ZBTB20: variants seen among roughly 807,000 people sequenced by gnomAD.
ZBTB20 encodes zinc finger and BTB domain containing 20, also known as zinc finger and BTB domain-containing protein 20.
In ZBTB20, 9 loss-of-function variants were observed where a neutral mutation model predicts 56.9. The ratio of observed to expected loss-of-function variants is 0.16; its 90% CI spans 0.10 to 0.28. The LOEUF is 0.28. Among genes scored for constraint, ZBTB20 ranks in the 10% least tolerant of loss-of-function variants. ZBTB20 has a pLI of 1.00. For missense variants in ZBTB20, 655 were observed against 1,003.0 expected (o/e 0.65, Z 4.69); for synonymous variants, 417 against 420.7 (o/e 0.99, Z 0.11).
chr3:114,479,784 A>G (rs543219596), intron 7 of ZBTB20, among the ~76,000 whole-genome samples: 2 of 152,328 alleles, frequency 1.3e-5, no homozygotes, highest in African/African-American at 4.8e-5. Flanking sequence ...CAGGTAACAG[A>G]CCATTTATTG....
At chr3:114,887,636 A>G (rs2076650810) in intron 4 of ZBTB20, among the ~76,000 whole-genome samples, 1 of 152,196 alleles carries the variant, frequency 6.6e-6, no homozygotes, top group African/African-American at 2.4e-5. Context: ...AGCCAGGGAA[A>G]GATTTTCACT....
chr3:114,452,795 G>T (rs2091710493), intron 7 of ZBTB20, among the ~76,000 whole-genome samples: 1 of 152,084 alleles, frequency 6.6e-6, no homozygotes. Context: ...AACTGTTGTA[G>T]CTGTTTTCTA....
intron 6 of ZBTB20, among the ~76,000 whole-genome samples, chr3:114,664,566 G>T (rs1044036413): frequency 9.2e-5 from 14 of 151,516 alleles, no homozygotes; most frequent in African/African-American, 3.4e-4. Flanking sequence ...CATCTGTAGG[G>T]AACAGGTCTC....
intron 6 of ZBTB20, chr3:114,624,074 T>C (rs952451996): frequency 6.6e-6 from 1 of 152,184 alleles, no homozygotes; most frequent in African/African-American, 2.4e-5. Context: ...ACACCAAGAA[T>C]AAAATCCTTG....
intron 5 of ZBTB20, among the ~76,000 whole-genome samples, chr3:114,771,238 C>T (rs2069168123): frequency 6.6e-6 from 1 of 151,814 alleles, no homozygotes; most frequent in African/African-American, 2.4e-5. Context: ...TCAAAAAACC[C>T]AAAATGCTTC....
chr3:114,423,295 ACT>A (rs1576688767), intron 7 of ZBTB20, among the ~76,000 whole-genome samples: 1 of 152,148 alleles, frequency 6.6e-6, no homozygotes, highest in East Asian at 1.9e-4. Flanking sequence ...ACAGAACATC[ACT>A]CTGGTGTGTC....
At chr3:115,061,802 AAAT>A (rs2082021712) in intron 2 of ZBTB20, among the ~76,000 whole-genome samples, 1 of 152,222 alleles carries the variant, frequency 6.6e-6, no homozygotes, top group African/African-American at 2.4e-5. Context: ...AAAAACAATA[AAAT>A]ATTATGAACA....
At chr3:114,653,688 A>G (rs1221557483) in intron 6 of ZBTB20, among the ~76,000 whole-genome samples, 1 of 151,924 alleles carries the variant, frequency 6.6e-6, no homozygotes, top group African/African-American at 2.4e-5. Context: ...GAGTCCGTGT[A>G]GGATTAATAT....
intron 5 of ZBTB20, among the ~76,000 whole-genome samples, chr3:114,772,374 A>G (rs2069278810): frequency 6.6e-6 from 1 of 151,974 alleles, no homozygotes; most frequent in Non-Finnish European, 1.5e-5. Flanking sequence ...TAAATTAGTA[A>G]TCTCATTTCT....
At position 114,314,992 on chromosome 3, in the gene ZBTB20, C is replaced by T. The variant is rs1157633118; in HGVS notation, c.*24013G>A. ...TGTATTTAGTCTATATTTTAAAGCA[C>T]TTGATAGAAAAGGCGTATGCAAGGT... On this transcript the variant is annotated 3_prime_UTR_variant, in exon 12 of 12. Transcript: ENST00000675478. 6.6e-6 allele frequency: 1 copy of T among 151,940 alleles called. No individual in the cohort carries two copies. Among genetic ancestry groups the T allele is most frequent in the Non-Finnish European group, 1.5e-5 (1 of 67,986 alleles). 9.4% of individuals were successfully genotyped at this position (151,940 alleles called of 1,614,324 possible).
At chr3:114,648,970 A>G (rs1269389401) in intron 6 of ZBTB20, among the ~76,000 whole-genome samples, 1 of 152,040 alleles carries the variant, frequency 6.6e-6, no homozygotes, top group Non-Finnish European at 1.5e-5. Flanking sequence ...AAGTTGACCT[A>G]TACGTTACTA....
chr3:114,947,657 G>A (rs2076928376), intron 3 of ZBTB20, among the ~76,000 whole-genome samples: 1 of 145,534 alleles, frequency 6.9e-6, no homozygotes. Context: ...TGGGAAGGGT[G>A]AGGAGGAAGG....
chr3:114,895,305 T>C (rs1187538880), intron 4 of ZBTB20, among the ~76,000 whole-genome samples: 5 of 152,288 alleles, frequency 3.3e-5, no homozygotes, highest in South Asian at 4.1e-4. Flanking sequence ...TTAAGTCATT[T>C]TGATGCATAT....
intron 1 of ZBTB20, among the ~76,000 whole-genome samples, chr3:115,113,902 T>C (rs1418944632): frequency 1.3e-5 from 2 of 152,184 alleles, no homozygotes; most frequent in African/African-American, 4.8e-5. Context: ...ACTTTTGTAA[T>C]CAATTCCCTG....
intron 3 of ZBTB20, among the ~76,000 whole-genome samples, chr3:114,964,675 T>C (rs552379312): frequency 3.3e-5 from 5 of 152,174 alleles, no homozygotes; most frequent in South Asian, 4.1e-4. Context: ...GAAAGAACTA[T>C]GTGCCTGGGT....
intron 7 of ZBTB20, among the ~76,000 whole-genome samples, chr3:114,444,340 C>T (rs529775288): frequency 6.6e-6 from 1 of 152,240 alleles, no homozygotes; most frequent in African/African-American, 2.4e-5. Context: ...ACTCCAGAGT[C>T]TCTAGGGAGT....
chr3:114,786,480 CAAAA>C (rs1190223177), intron 5 of ZBTB20, among the ~76,000 whole-genome samples: 2 of 150,774 alleles, frequency 1.3e-5, no homozygotes, highest in Admixed American at 1.3e-4. Context: ...TGAAATCACA[CAAAA>C]AAAGGAATTT....
At chr3:114,348,152 T>C (rs1449038625) in intron 11 of ZBTB20, among the ~76,000 whole-genome samples, 2 of 152,238 alleles carry the variant, frequency 1.3e-5, no homozygotes, top group Non-Finnish European at 2.9e-5. Context: ...TCTAACAGAA[T>C]GTGTGAATTT....
At chr3:114,687,623 AAAAG>A (rs1208304159) in intron 6 of ZBTB20, 8 of 151,598 alleles carry the variant, frequency 5.3e-5, no homozygotes, top group East Asian at 3.8e-4. Flanking sequence ...AAAAAAAAAA[AAAAG>A]AAAGAAAGAA....
Sources: gnomAD v4.1 joint callset for allele counts (sites outside exome capture counted in the v4.1 genomes callset) on GRCh38, gnomAD v4.1.1 for gene constraint, MANE v1.5 for transcripts, NCBI Gene and HGNC (gene_info 2026-07-23, HGNC 2026-07-21) for gene names.